Variants in PCDH15 observed in about 807,000 individuals in gnomAD.
PCDH15 encodes the protein protocadherin-15.
Under a neutral mutation model 178.5 loss-of-function variants are expected in PCDH15, and 129 were observed. The observed-to-expected ratio is 0.72, with a 90% confidence interval of 0.63 to 0.84. The LOEUF is 0.84. PCDH15 is among the 40% of genes least tolerant of loss of function. The pLI is 0.00. For missense variants in PCDH15, 2,230 were observed against 2,099.9 expected (o/e 1.06, Z -1.21); for synonymous variants, 800 against 732.0 (o/e 1.09, Z -1.50).
At chr10:55,575,134 CA>C (rs1842473287) in intron 2 of PCDH15, among the ~76,000 whole-genome samples, 1 of 152,076 alleles carries the variant, frequency 6.6e-6, no homozygotes, top group African/African-American at 2.4e-5. Flanking sequence ...ATCTATAACA[CA>C]TGATCTGAAT....
At chr10:53,911,281 A>T (rs2083068920) in intron 25 of PCDH15, among the ~76,000 whole-genome samples, 1 of 152,222 alleles carries the variant, frequency 6.6e-6, no homozygotes, top group Non-Finnish European at 1.5e-5. Flanking sequence ...AGTGCAATCA[A>T]ATTATAACTC....
chr10:55,577,343 A>C (rs1006554356), intron 2 of PCDH15, among the ~76,000 whole-genome samples: 2 of 152,168 alleles, frequency 1.3e-5, no homozygotes, highest in African/African-American at 4.8e-5. Context: ...CAAACATATA[A>C]AGGTTTAGAA....
intron 20 of PCDH15, among the ~76,000 whole-genome samples, chr10:54,018,602 C>A (rs1160844840): frequency 1.3e-5 from 2 of 152,024 alleles, no homozygotes; most frequent in Admixed American, 1.3e-4. Context: ...ATTAGATAAC[C>A]TAACAAAGTT....
At chr10:53,927,574 G>A (rs2084674925) in intron 25 of PCDH15, among the ~76,000 whole-genome samples, 1 of 152,014 alleles carries the variant, frequency 6.6e-6, no homozygotes. Flanking sequence ...TCAAAAAGGT[G>A]GAGTAGTACA....
chr10:54,256,087 T>C (rs1296156452), intron 8 of PCDH15, among the ~76,000 whole-genome samples: 1 of 152,158 alleles, frequency 6.6e-6, no homozygotes, highest in Non-Finnish European at 1.5e-5. Context: ...TTGGTGGCCA[T>C]GCCACCAGCC....
At chr10:54,973,673 A>G (rs928860758) in intron 2 of PCDH15, among the ~76,000 whole-genome samples, 2 of 152,172 alleles carry the variant, frequency 1.3e-5, no homozygotes, top group Non-Finnish European at 2.9e-5. Flanking sequence ...ATTTAAATGA[A>G]ACATGTGCCT....
At chr10:55,183,727 C>T (rs1839716108) in intron 1 of PCDH15, among the ~76,000 whole-genome samples, 1 of 151,592 alleles carries the variant, frequency 6.6e-6, no homozygotes, top group Non-Finnish European at 1.5e-5. Flanking sequence ...AGATGAATGC[C>T]TCCAGCAGAA....
intron 20 of PCDH15, among the ~76,000 whole-genome samples, chr10:54,003,239 A>C: frequency 6.6e-6 from 1 of 152,310 alleles, no homozygotes; most frequent in Non-Finnish European, 1.5e-5. Context: ...AATTAGTAGA[A>C]GAAAATAAAT....
chr10:54,578,425 C>T (rs2090722436), intron 2 of PCDH15, among the ~76,000 whole-genome samples: 1 of 151,846 alleles, frequency 6.6e-6, no homozygotes, highest in Non-Finnish European at 1.5e-5. Flanking sequence ...GAACTATTAA[C>T]CTTATAGGAA....
At chr10:54,069,450 G>T (rs959499329) in intron 17 of PCDH15, among the ~76,000 whole-genome samples, 20 of 152,084 alleles carry the variant, frequency 1.3e-4, no homozygotes, top group African/African-American at 4.8e-4. Flanking sequence ...GATATTTATG[G>T]GACATGCAGG....
intron 2 of PCDH15, among the ~76,000 whole-genome samples, chr10:54,583,183 G>A (rs1260667219): frequency 6.6e-6 from 1 of 151,834 alleles, no homozygotes; most frequent in African/African-American, 2.4e-5. Context: ...TTAACTTTAT[G>A]AAAATAAAAT....
intron 2 of PCDH15, among the ~76,000 whole-genome samples, chr10:54,957,909 C>T (rs1220614269): frequency 6.6e-6 from 1 of 151,652 alleles, no homozygotes; most frequent in African/African-American, 2.4e-5. Context: ...TGCCTAAAAG[C>T]AGGACATAAA....
chr10:54,252,426 G>A (rs1364216883), intron 8 of PCDH15, among the ~76,000 whole-genome samples: 1 of 152,148 alleles, frequency 6.6e-6, no homozygotes, highest in Non-Finnish European at 1.5e-5. Flanking sequence ...TTGATACTTC[G>A]AGGCAAAGCC....
intron 1 of PCDH15, among the ~76,000 whole-genome samples, chr10:54,793,145 C>T (rs918884625): frequency 6.6e-6 from 1 of 151,928 alleles, no homozygotes; most frequent in Non-Finnish European, 1.5e-5. Context: ...TCATCCCCAC[C>T]TGGGCATCAA....
At chr10:54,221,656 G>A (rs1026243168) in intron 9 of PCDH15, among the ~76,000 whole-genome samples, 1 of 150,914 alleles carries the variant, frequency 6.6e-6, no homozygotes, top group African/African-American at 2.4e-5. Flanking sequence ...AGTCTGGAGT[G>A]CAATGGTGCT....
At chr10:55,019,170 A>G (rs2131952321) in intron 2 of PCDH15, among the ~76,000 whole-genome samples, 1 of 152,116 alleles carries the variant, frequency 6.6e-6, no homozygotes, top group East Asian at 1.9e-4. Context: ...CCTAATAGTC[A>G]ATTCCTTTTT....
intron 3 of PCDH15, among the ~76,000 whole-genome samples, chr10:54,835,344 T>C (rs1953297974): frequency 6.6e-6 from 1 of 152,206 alleles, no homozygotes; most frequent in African/African-American, 2.4e-5. Flanking sequence ...ATCGACTTCC[T>C]GTTGGTTTTG....
In PCDH15 at chr10:55,451,149, T is replaced by C. The variant is rs543036707; in HGVS notation, c.-156+176476A>G. Among the ~76,000 whole-genome samples, 40 of 152,072 alleles carry C rather than the reference T, an allele frequency of 2.6e-4. 1 individual carries two copies. The highest frequency in any genetic ancestry group is 9.4e-4 in the African/African-American group (39 of 41,466). On this transcript the variant is annotated intron_variant, in intron 2 of 5. Coordinates refer to the PCDH15 transcript ENST00000613346. ...TCTGAACCTAGAGCCCATGCTCTTT[T>C]CATTATGCCACACTGCCCTGGCCTA...
At chr10:54,924,803 T>C (rs1837577356) in intron 2 of PCDH15, among the ~76,000 whole-genome samples, 1 of 152,278 alleles carries the variant, frequency 6.6e-6, no homozygotes, top group South Asian at 2.1e-4. Flanking sequence ...TTTATATTTT[T>C]CTTGTACATT....
Sources: gnomAD v4.1 joint callset for allele counts (sites outside exome capture counted in the v4.1 genomes callset) on GRCh38, gnomAD v4.1.1 for gene constraint, MANE v1.5 for transcripts, NCBI Gene and HGNC (gene_info 2026-07-23, HGNC 2026-07-21) for gene names.